FAM171B: variants seen among roughly 807,000 people sequenced by gnomAD.
FAM171B encodes protein FAM171B.
A neutral mutation model predicts 75.6 loss-of-function variants in FAM171B; 19 were observed. That is an observed-to-expected ratio of 0.25 (90% CI 0.18 to 0.37). The LOEUF (loss-of-function observed/expected upper bound fraction) is 0.37, where lower values mean the gene tolerates loss of function less well. Among genes scored for constraint, FAM171B ranks in the 10% least tolerant of loss-of-function variants. FAM171B has a pLI of 1.00. For missense variants in FAM171B, 848 were observed against 982.4 expected, an observed-to-expected ratio of 0.86 and a Z score of 1.83; for synonymous variants, 367 against 361.7, an observed-to-expected ratio of 1.01 and a Z score of -0.17.
At chr2:186,726,553 C>T (rs1263881173) in intron 1 of FAM171B, among the ~76,000 whole-genome samples, 1 of 152,108 alleles carries the variant, frequency 6.6e-6, no homozygotes, top group African/African-American at 2.4e-5. Flanking sequence ...GAACTTTCAG[C>T]CCTCATTCCA....
intron 1 of FAM171B, among the ~76,000 whole-genome samples, chr2:186,703,692 A>G (rs1574095750): frequency 6.6e-6 from 1 of 152,186 alleles, no homozygotes; most frequent in East Asian, 1.9e-4. Flanking sequence ...GGTAAAAATT[A>G]AGATGTCAAA....
intron 5 of FAM171B, among the ~76,000 whole-genome samples, chr2:186,752,388 G>A (rs1482767923): frequency 2.6e-5 from 4 of 152,186 alleles, no homozygotes; most frequent in African/African-American, 9.6e-5. Context: ...GAGAATATAA[G>A]CAGTAATATA....
At chr2:186,703,203 C>T (rs917006694) in intron 1 of FAM171B, among the ~76,000 whole-genome samples, 1 of 152,080 alleles carries the variant, frequency 6.6e-6, no homozygotes, top group African/African-American at 2.4e-5. Flanking sequence ...CCTCAGCCTC[C>T]CAAGTAGCTG....
chr2:186,717,952 C>A (rs1013278026), intron 1 of FAM171B, among the ~76,000 whole-genome samples: 9 of 152,044 alleles, frequency 5.9e-5, no homozygotes, highest in Non-Finnish European at 1.2e-4. Flanking sequence ...TGCCTATCAC[C>A]TTGATTGACA....
At chr2:186,760,232 C>T (rs1270260072) in intron 6 of FAM171B, among the ~76,000 whole-genome samples, 2 of 152,080 alleles carry the variant, frequency 1.3e-5, no homozygotes, top group African/African-American at 4.8e-5. Context: ...CAATGGCATT[C>T]GTATACGTAT....
chr2:186,727,832 C>T (rs1028921275), intron 1 of FAM171B, among the ~76,000 whole-genome samples: 1 of 151,988 alleles, frequency 6.6e-6, no homozygotes, highest in Non-Finnish European at 1.5e-5. Flanking sequence ...AAATTTGGAA[C>T]CAGATTTCTT....
At chr2:186,748,610 A>G (rs1466769874) in intron 4 of FAM171B, among the ~76,000 whole-genome samples, 6 of 152,212 alleles carry the variant, frequency 3.9e-5, no homozygotes, top group Non-Finnish European at 8.8e-5. Flanking sequence ...ACTCTGAGCC[A>G]GTGTATGTCC....
chr2:186,761,177 A>T lies in FAM171B; in HGVS notation c.1077A>T (p.Ile359=). The change falls in exon 7 of 8, where the codon ATA becomes ATT. Residue 359 remains isoleucine, a synonymous_variant. Coordinates refer to ENST00000304698, the MANE Select transcript of FAM171B (RefSeq NM_177454.4). ...ACCACACAGTGTTTCTTACAGCCAT[A>T]TTAGGAGGAACAATAGTCATTGTCA... is the stretch of plus-strand genomic sequence containing the variant. ...TAYHTVFLTA[I]LGGTIVIVIG... The T allele has an allele frequency of 6.2e-7, 1 of 1,612,574 alleles. No individual in the cohort carries two copies. Among genetic ancestry groups the T allele is most frequent in the Non-Finnish European group, 8.5e-7 (1 of 1,179,170 alleles).
chr2:186,701,327 C>A (rs1689657499), intron 1 of FAM171B, among the ~76,000 whole-genome samples: 1 of 152,102 alleles, frequency 6.6e-6, no homozygotes. Context: ...ACATATCCAT[C>A]CTCTTATGTA....
intron 1 of FAM171B, among the ~76,000 whole-genome samples, chr2:186,735,405 A>T (rs1301997806): frequency 6.6e-6 from 1 of 152,196 alleles, no homozygotes; most frequent in Non-Finnish European, 1.5e-5. Context: ...GCCAATCCTT[A>T]GGTTCTACAA....
At chr2:186,746,755 A>G (rs1367556599) in intron 3 of FAM171B, among the ~76,000 whole-genome samples, 1 of 152,206 alleles carries the variant, frequency 6.6e-6, no homozygotes, top group Non-Finnish European at 1.5e-5. Flanking sequence ...AATTGGTTTC[A>G]GCCCATTCTG....
intron 1 of FAM171B, among the ~76,000 whole-genome samples, chr2:186,702,422 C>T (rs758301246): frequency 3.3e-5 from 5 of 152,266 alleles, no homozygotes; most frequent in South Asian, 2.1e-4. Context: ...ACTGTGTGAG[C>T]GTAAGAAAAC....
intron 1 of FAM171B, among the ~76,000 whole-genome samples, chr2:186,735,512 A>C (rs1690186888): frequency 6.6e-6 from 1 of 152,220 alleles, no homozygotes; most frequent in African/African-American, 2.4e-5. Context: ...CAGGCTCCTC[A>C]CATCCTCCTA....
intron 1 of FAM171B, among the ~76,000 whole-genome samples, chr2:186,706,130 A>G (rs1290862339): frequency 6.6e-6 from 1 of 152,210 alleles, no homozygotes; most frequent in Admixed American, 6.5e-5. Context: ...AACCTCAATC[A>G]GTTTTAGCAG....
At chr2:186,749,326 G>A (rs920563145) in intron 4 of FAM171B, among the ~76,000 whole-genome samples, 13 of 152,070 alleles carry the variant, frequency 8.5e-5, no homozygotes, top group African/African-American at 2.4e-4. Context: ...TGGTGTGTCA[G>A]TTTCAACAGT....
chr2:186,743,987 C>G (rs1360632543), intron 3 of FAM171B, among the ~76,000 whole-genome samples: 1 of 152,130 alleles, frequency 6.6e-6, no homozygotes, highest in Non-Finnish European at 1.5e-5. Context: ...ATGCCTAAGA[C>G]TTGGTAGTTA....
At chr2:186,706,492 C>T (rs1002861805) in intron 1 of FAM171B, among the ~76,000 whole-genome samples, 2 of 152,216 alleles carry the variant, frequency 1.3e-5, no homozygotes, top group African/African-American at 4.8e-5. Flanking sequence ...AGCACTAGCT[C>T]TATCTTAACA....
chr2:186,736,565 T>TGTGTGG (rs55956792), intron 1 of FAM171B, among the ~76,000 whole-genome samples: 1 of 51,670 alleles, frequency 1.9e-5, no homozygotes, highest in African/African-American at 6.6e-5. Flanking sequence ...TGTGTGTGTG[T>TGTGTGG]GGGAGAGAGA....
chr2:186,698,883 G>A (rs1303790049), intron 1 of FAM171B, among the ~76,000 whole-genome samples: 1 of 152,120 alleles, frequency 6.6e-6, no homozygotes, highest in East Asian at 1.9e-4. Context: ...GTGAGAATAT[G>A]CAAAGTTTGT....
Sources: gnomAD v4.1 joint callset for allele counts (sites outside exome capture counted in the v4.1 genomes callset) on GRCh38, gnomAD v4.1.1 for gene constraint, MANE v1.5 for transcripts, NCBI Gene and HGNC (gene_info 2026-07-23, HGNC 2026-07-21) for gene names.